The following TMEM272 variants were observed in gnomAD, a reference collection of about 807,000 sequenced individuals.
TMEM272 encodes transmembrane protein 272.
TMEM272 carries 8 observed loss-of-function variants against 3.7 expected under a neutral mutation model. The observed-to-expected ratio is 2.17, with a 90% CI of 1.27 to 3.91. The LOEUF (loss-of-function observed/expected upper bound fraction) is 3.91. Among genes scored for constraint, TMEM272 ranks in the 30% most tolerant of loss-of-function variants. The probability of loss-of-function intolerance (pLI) is 0.00; values close to 1 mark genes in which losing one functional copy is unlikely to be tolerated. For synonymous variants in TMEM272, 63 were observed against 39.8 expected, an observed-to-expected ratio of 1.58 and a Z score of -2.20; for missense variants, 166 against 91.5, an observed-to-expected ratio of 1.81 and a Z score of -3.32.
chr13:51,851,059 G>T, the TMEM272 span, among the ~76,000 whole-genome samples: 2 of 152,168 alleles, frequency 1.3e-5, no homozygotes, highest in Non-Finnish European at 2.9e-5. Context: ...CCAATTTTAA[G>T]ATTTGTTTAA....
intron 1 of TMEM272, among the ~76,000 whole-genome samples, chr13:51,840,328 C>T (rs560727453): frequency 5.1e-4 from 78 of 152,276 alleles, no homozygotes; most frequent in African/African-American, 1.7e-3. Context: ...ATGCTTGATC[C>T]TATTTAACCA....
At position 51,837,320 on chromosome 13, in the gene TMEM272, G is replaced by A. The variant is rs370319976; in HGVS notation, c.58+1153C>T. 3.3e-5 allele frequency among the ~76,000 whole-genome samples: 5 copies of A among 152,312 alleles called. No individual in the cohort carries two copies. The East Asian group carries it at 7.7e-4, about 24-fold the overall frequency. On this transcript the variant is annotated intron_variant, in intron 2 of 4. Transcript: ENST00000629372. ...TGGTGGTAACTAATTTCCCGAAGAT[G>A]TAGAGCAACAATATAGCTGATGGTG...
chr13:51,850,490 A>G, the TMEM272 span, among the ~76,000 whole-genome samples: 2 of 152,234 alleles, frequency 1.3e-5, no homozygotes, highest in African/African-American at 4.8e-5. Context: ...TTATGGGCAC[A>G]CAGTAAGCCC....
chr13:51,886,953 C>T, the TMEM272 span, among the ~76,000 whole-genome samples: 1 of 152,160 alleles, frequency 6.6e-6, no homozygotes, highest in South Asian at 2.1e-4. Context: ...AGATCTTTAC[C>T]TTACCGTGCT....
chr13:51,867,307 G>T, the TMEM272 span, among the ~76,000 whole-genome samples: 2 of 152,190 alleles, frequency 1.3e-5, no homozygotes, highest in Non-Finnish European at 2.9e-5. Flanking sequence ...AGTGCATGTG[G>T]TTCAGCAAGT....
chr13:51,889,112 A>T, the TMEM272 span, among the ~76,000 whole-genome samples: 1 of 152,280 alleles, frequency 6.6e-6, no homozygotes, highest in South Asian at 2.1e-4. Flanking sequence ...CATTTTCGTT[A>T]TTACTGGTGG....
intron 4 of TMEM272, 113 bp from the exon 5 acceptor site, chr13:51,817,226 G>C: frequency 1.7e-6 from 1 of 602,078 alleles, no homozygotes; most frequent in Non-Finnish European, 3.0e-6. Flanking sequence ...AAAGAGGAGA[G>C]AGAGGAAGGT....
chr13:51,896,536 G>A, the TMEM272 span, among the ~76,000 whole-genome samples: 1 of 152,170 alleles, frequency 6.6e-6, no homozygotes, highest in Non-Finnish European at 1.5e-5. Flanking sequence ...CTCTGGGGAA[G>A]GTTGTTCAAG....
intron 1 of TMEM272, among the ~76,000 whole-genome samples, chr13:51,841,550 T>A (rs1362909050): frequency 6.6e-6 from 1 of 152,238 alleles, no homozygotes; most frequent in Non-Finnish European, 1.5e-5. Flanking sequence ...TTTAATCTCC[T>A]GTGAATCCTG....
the TMEM272 span, among the ~76,000 whole-genome samples, chr13:51,877,340 G>A: frequency 6.6e-6 from 1 of 152,212 alleles, no homozygotes; most frequent in African/African-American, 2.4e-5. Context: ...AGACAGGGCA[G>A]AGGTTCTGCC....
the TMEM272 span, among the ~76,000 whole-genome samples, chr13:51,906,808 C>T: frequency 6.6e-5 from 10 of 152,186 alleles, no homozygotes; most frequent in African/African-American, 2.4e-4. Flanking sequence ...ACAGTCCCTG[C>T]AGGCTCCTGG....
chr13:51,908,698 T>A, the TMEM272 span: 2 of 1,478,000 alleles, frequency 1.4e-6, no homozygotes, highest in Non-Finnish European at 9.4e-7. Context: ...AAAGAAGGTA[T>A]ATTAAAACTT....
At chr13:51,910,137 T>C in the TMEM272 span, 1 of 1,025,544 alleles carries the variant, frequency 9.8e-7, no homozygotes. Flanking sequence ...CACCTCATCT[T>C]GTTCAGAATG....
chr13:51,912,371 T>TG, the TMEM272 span, among the ~76,000 whole-genome samples: 1 of 152,048 alleles, frequency 6.6e-6, no homozygotes, highest in East Asian at 1.9e-4. Flanking sequence ...CCGTATCACG[T>TG]GGGGGCAGCA....
At chr13:51,820,897 G>T (rs1309796136) in intron 4 of TMEM272, among the ~76,000 whole-genome samples, 1 of 152,190 alleles carries the variant, frequency 6.6e-6, no homozygotes, top group Non-Finnish European at 1.5e-5. Context: ...CTGCCCACCA[G>T]ATTGCTGTTA....
the TMEM272 span, among the ~76,000 whole-genome samples, chr13:51,857,497 G>A: frequency 6.6e-6 from 1 of 152,028 alleles, no homozygotes; most frequent in African/African-American, 2.4e-5. Flanking sequence ...AAATGAAAAA[G>A]GTAGAAGGGG....
At chr13:51,829,853 T>TA (rs58527519) in intron 2 of TMEM272, among the ~76,000 whole-genome samples, 9,733 of 152,110 alleles carry the variant, frequency 0.064, 437 homozygotes, top group African/African-American at 0.1. Flanking sequence ...TAAAGGCACT[T>TA]AAAAAATAGC....
At chr13:51,891,052 G>A in the TMEM272 span, among the ~76,000 whole-genome samples, 8 of 152,178 alleles carry the variant, frequency 5.3e-5, no homozygotes, top group Admixed American at 5.2e-4. Flanking sequence ...GCTGTGACAT[G>A]AGATGTGGCC....
At chr13:51,907,576 T>C in the TMEM272 span, among the ~76,000 whole-genome samples, 1 of 152,174 alleles carries the variant, frequency 6.6e-6, no homozygotes, top group Non-Finnish European at 1.5e-5. Context: ...ATAGCTAACC[T>C]TAACCCTGCT....
Sources: gnomAD v4.1 joint callset for allele counts (sites outside exome capture counted in the v4.1 genomes callset) on GRCh38, gnomAD v4.1.1 for gene constraint, MANE v1.5 for transcripts, NCBI Gene and HGNC (gene_info 2026-07-23, HGNC 2026-07-21) for gene names.